SSR1: variants seen among roughly 807,000 people sequenced by gnomAD.
SSR1 encodes translocon-associated protein subunit alpha.
Under a neutral mutation model 36.1 loss-of-function variants are expected in SSR1, and 13 were observed. The ratio of observed to expected loss-of-function variants is 0.36; its 90% CI spans 0.23 to 0.57. The LOEUF is 0.57. Ranked by LOEUF, SSR1 falls within the 20% of genes least tolerant of loss-of-function variation. The pLI, the probability that SSR1 is intolerant of heterozygous loss-of-function variation, is 0.81. For synonymous variants in SSR1, 113 were observed against 118.9 expected (o/e 0.95, Z 0.32); for missense variants, 291 against 338.5 (o/e 0.86, Z 1.10).
intron 2 of SSR1, among the ~76,000 whole-genome samples, chr6:7,305,930 G>A (rs934726647): frequency 3.9e-5 from 6 of 152,256 alleles, no homozygotes; most frequent in South Asian, 2.1e-4. Flanking sequence ...GATGTATAAC[G>A]CTTAGTATCT....
chr6:7,302,716 C>G (rs1305122815), intron 3 of SSR1, among the ~76,000 whole-genome samples: 1 of 150,494 alleles, frequency 6.6e-6, no homozygotes, highest in Non-Finnish European at 1.5e-5. Flanking sequence ...GAGCCGAGAT[C>G]ACACCACTGC....
At chr6:7,306,373 G>C (rs1453682104) in intron 2 of SSR1, among the ~76,000 whole-genome samples, 1 of 151,968 alleles carries the variant, frequency 6.6e-6, no homozygotes, top group African/African-American at 2.4e-5. Flanking sequence ...TTGATCTCCT[G>C]ACCTCGTGAT....
Position 7,298,940 on chromosome 6 carries a change from A to G in SSR1, c.544-117T>C, listed in dbSNP as rs1347616205. 7 of 732,954 alleles carry G rather than the reference A, an allele frequency of 9.6e-6. No homozygotes were observed. In the East Asian group the frequency reaches 1.9e-4, roughly 20 times the overall value. 45.4% of individuals were successfully genotyped at this position (732,954 alleles called of 1,614,324 possible). On this transcript the variant is annotated intron_variant, in intron 4 of 7. Coordinates refer to ENST00000244763, the MANE Select transcript of SSR1 (RefSeq NM_003144.5). Reference sequence around the variant, plus strand: ...TGAATATAGCCTTCCCATCACTTAGAAGACTCAACAAATTCATATGTAACT... The same window carrying G: ...TGAATATAGCCTTCCCATCACTTAGGAGACTCAACAAATTCATATGTAACT...
At chr6:7,292,053 A>G (rs1192061506) in intron 7 of SSR1, among the ~76,000 whole-genome samples, 1 of 152,124 alleles carries the variant, frequency 6.6e-6, no homozygotes, top group Non-Finnish European at 1.5e-5. Flanking sequence ...TGGGTGACAG[A>G]GTGAGATCCT....
chr6:7,289,773 T>C lies in SSR1; in HGVS notation c.*91A>G, dbSNP rs1340131317. On this transcript the variant is annotated 3_prime_UTR_variant, in exon 8 of 8. Transcript: ENST00000244763. ...ACACACAAGTAGGAGTTGCCTTCTA[T>C]GGTGACATGGCTTCTCTGCACTAAT... 5.9e-6 allele frequency: 7 copies of C among 1,188,288 alleles called. No homozygotes were observed. Among genetic ancestry groups the C allele is most frequent in the South Asian group, 1.5e-5 (1 of 65,580 alleles). The allele number at this position is 1,188,288 out of a possible 1,614,324, so 73.6% of individuals were successfully genotyped here. A position where few individuals can be genotyped will look rare whatever the true frequency, so the allele number is the denominator to read the frequency against.
At chr6:7,310,622 G>A (rs1247747724) in intron 1 of SSR1, among the ~76,000 whole-genome samples, 2 of 152,198 alleles carry the variant, frequency 1.3e-5, no homozygotes, top group East Asian at 1.9e-4. Flanking sequence ...AAAGAAAACA[G>A]CATTCTTGGC....
Position 7,288,678 on chromosome 6 carries a change from T to G in SSR1, c.*1186A>C, listed in dbSNP as rs3799509. ...TCTTAATTGTTCATACTATTTTACT[T>G]CACCCTCCATCCAGTCTGACAATAA... On this transcript the variant is annotated 3_prime_UTR_variant, in exon 8 of 8. Coordinates refer to ENST00000244763, the MANE Select transcript of SSR1 (RefSeq NM_003144.5). 6.6e-6 allele frequency: 1 copy of G among 152,570 alleles called. No homozygotes were observed. The highest frequency in any genetic ancestry group is 1.5e-5 in the Non-Finnish European group (1 of 68,022). 9.5% of individuals were successfully genotyped at this position (152,570 alleles called of 1,614,324 possible). A position where few individuals can be genotyped will look rare whatever the true frequency, so the allele number is the denominator to read the frequency against.
chr6:7,313,098 A>G lies in SSR1; in HGVS notation c.23T>C (p.Leu8Pro), dbSNP rs1474511548. Residue 8 changes from leucine to proline, a missense_variant, in exon 1 of 8, where the codon CTG becomes CCG. Transcript: ENST00000244763. Reference protein sequence around the residue: MRLLPRLLLLLLLVFPAT... With the variant: MRLLPRLPLLLLLVFPAT... The stretch of plus-strand genomic sequence containing the variant: ...AGGGAACACGAGTAAGAGAAGCAGC[A>G]GCAAGCGGGGGAGGAGTCTCATGGC... 6.2e-7 allele frequency: 1 copy of G among 1,608,248 alleles called. No individual in the cohort carries two copies. Among genetic ancestry groups the G allele is most frequent in the African/African-American group, 1.3e-5 (1 of 74,348 alleles).
chr6:7,294,000 G>A (rs947240613), intron 7 of SSR1, among the ~76,000 whole-genome samples: 7 of 152,088 alleles, frequency 4.6e-5, no homozygotes, highest in Non-Finnish European at 8.8e-5. Flanking sequence ...CCCCTTTTAG[G>A]AGGGAAATGG....
At chr6:7,301,697 T>A (rs1316842754) in intron 3 of SSR1, 125 bp from the exon 4 acceptor site, 1 of 992,060 alleles carries the variant, frequency 1.0e-6, no homozygotes, top group East Asian at 2.6e-5. Flanking sequence ...TCCCTTCCAA[T>A]AGAGCACTCC....
chr6:7,283,839 GC>G lies in SSR1; in HGVS notation c.*6024del, dbSNP rs1157959896. On this transcript the variant is annotated 3_prime_UTR_variant, in exon 8 of 8. Transcript: ENST00000244763. ...CTGAGAATGTGCTCCCTGCCAAAAG[GC>G]TCCTACCCTATTCCAACCAAGCCGG... 3 of 152,236 alleles carry G rather than the reference GC, an allele frequency of 2.0e-5. No homozygotes were observed. The highest frequency in any genetic ancestry group is 4.4e-5 in the Non-Finnish European group (3 of 68,076). The allele number at this position is 152,236 out of a possible 1,614,324, so 9.4% of individuals were successfully genotyped here. A position where few individuals can be genotyped will look rare whatever the true frequency, so the allele number is the denominator to read the frequency against.
intron 6 of SSR1, chr6:7,297,151 C>T (rs912499323): frequency 2.3e-5 from 7 of 309,222 alleles, no homozygotes; most frequent in South Asian, 1.3e-4. Context: ...GCCCCGAAGG[C>T]GGAGGTTGCA....
At chr6:7,303,973 A>G (rs1270130125) in intron 2 of SSR1, among the ~76,000 whole-genome samples, 2 of 152,200 alleles carry the variant, frequency 1.3e-5, no homozygotes, top group Non-Finnish European at 2.9e-5. Flanking sequence ...CAAAAAAAAG[A>G]AATAAAGACT....
In SSR1 at chr6:7,310,028, G is replaced by A. The variant is rs761398731; in HGVS notation, c.81C>T (p.Gly27=). ...ATVLFRGGPR[G]LLAVAQDLTE... ...TAAGATCTTGTGCCACTGCTAACAA[G>A]CCTAATGATAAAATACAGAAAAAGC... Residue 27 remains glycine, a splice_region_variant and synonymous_variant, in exon 2 of 8, where the codon GGC becomes GGT. Coordinates refer to ENST00000244763, the MANE Select transcript of SSR1 (RefSeq NM_003144.5). 2.5e-6 allele frequency: 4 copies of A among 1,605,986 alleles called. No individual in the cohort carries two copies. In the South Asian group the frequency reaches 3.3e-5, roughly 13 times the overall value.
chr6:7,293,034 T>C (rs1024521099), intron 7 of SSR1, among the ~76,000 whole-genome samples: 1 of 152,082 alleles, frequency 6.6e-6, no homozygotes, highest in African/African-American at 2.4e-5. Flanking sequence ...TGCAGGAAAT[T>C]AGTTCCAGGA....
chr6:7,303,702 A>T (rs2113293071), intron 2 of SSR1, 65 bp from the exon 3 acceptor site: 2 of 1,371,022 alleles, frequency 1.5e-6, no homozygotes, highest in Middle Eastern at 2.5e-4. Context: ...TTTAAAAATA[A>T]AGATTTGGCC....
Position 7,295,480 on chromosome 6 carries a change from C to G in SSR1, c.705G>C (p.Lys235Asn). The change falls in exon 7 of 8, where the codon AAG becomes AAC. Residue 235 changes from lysine to asparagine, a missense_variant. Lys to Asn is a moderately conservative substitution (Grantham distance 94). Coordinates refer to ENST00000244763, the MANE Select transcript of SSR1 (RefSeq NM_003144.5). ...LHQLLESRKRKRPIQKVEMGT... is the reference protein window; with the variant it reads ...LHQLLESRKRNRPIQKVEMGT... Reference sequence around the variant, plus strand: ...CCATTTCTACTTTCTGTATGGGTCTCTTACGCTAAAAGAACATAAAGACAT... The same window carrying G: ...CCATTTCTACTTTCTGTATGGGTCTGTTACGCTAAAAGAACATAAAGACAT... The G allele has an allele frequency of 1.3e-6, 2 of 1,595,014 alleles. No homozygotes were observed. The highest frequency in any genetic ancestry group is 1.7e-6 in the Non-Finnish European group (2 of 1,170,810).
In SSR1 at chr6:7,281,668, T is replaced by A. The variant is rs747004232; in HGVS notation, c.*8196A>T. 2 of 152,224 alleles carry A rather than the reference T, an allele frequency of 1.3e-5. No individual in the cohort carries two copies. Among genetic ancestry groups the A allele is most frequent in the Non-Finnish European group, 2.9e-5 (2 of 68,034 alleles). The allele number at this position is 152,224 out of a possible 1,614,324, so 9.4% of individuals were successfully genotyped here. Reference sequence around the variant, plus strand: ...AGCAGAGCCAAAACTGGAAGTCACTTATTAAATACCTGTGTACAAAACACC... The same window carrying A: ...AGCAGAGCCAAAACTGGAAGTCACTAATTAAATACCTGTGTACAAAACACC... On this transcript the variant is annotated 3_prime_UTR_variant, in exon 8 of 8. Coordinates refer to ENST00000244763, the MANE Select transcript of SSR1 (RefSeq NM_003144.5).
chr6:7,291,908 C>T (rs7452992), intron 7 of SSR1, among the ~76,000 whole-genome samples: 4 of 151,544 alleles, frequency 2.6e-5, no homozygotes, highest in African/African-American at 9.7e-5. Context: ...CCCCTCCCTA[C>T]AACAAATATA....
Sources: allele counts gnomAD v4.1 joint callset (sites outside exome capture counted in the v4.1 genomes callset), GRCh38; gene constraint gnomAD v4.1.1; transcripts MANE v1.5; gene names NCBI Gene and HGNC (gene_info 2026-07-23, HGNC 2026-07-21).